Variants in EBF1 observed in about 807,000 individuals in gnomAD.
EBF1 encodes the protein transcription factor COE1.
In EBF1, 10 loss-of-function variants were observed where a neutral mutation model predicts 68.4. That is an observed-to-expected ratio of 0.15 (90% CI 0.09 to 0.25). The LOEUF is 0.25. Ranked by LOEUF, EBF1 falls within the 10% of genes least tolerant of loss-of-function variation. EBF1 has a pLI of 1.00. For synonymous variants in EBF1, 298 were observed against 299.8 expected, an observed-to-expected ratio of 0.99 and a Z score of 0.06; for missense variants, 509 against 794.4, an observed-to-expected ratio of 0.64 and a Z score of 4.32.
intron 15 of EBF1, among the ~76,000 whole-genome samples, chr5:158,706,801 C>A (rs1353782490): frequency 6.6e-6 from 1 of 152,100 alleles, no homozygotes. Flanking sequence ...AGGTATTTAC[C>A]CTCTTTAAGC....
intron 7 of EBF1, among the ~76,000 whole-genome samples, chr5:158,825,283 ACTTTT>A (rs1785818810): frequency 6.6e-6 from 1 of 152,230 alleles, no homozygotes; most frequent in Admixed American, 6.5e-5. Flanking sequence ...ACAGAAATTC[ACTTTT>A]CTTTTTAGAG....
chr5:159,067,967 A>G (rs1346560944), intron 6 of EBF1, among the ~76,000 whole-genome samples: 3 of 152,296 alleles, frequency 2.0e-5, no homozygotes, highest in Admixed American at 2.0e-4. Context: ...GTTACAAATC[A>G]GGTGGTATAA....
intron 6 of EBF1, among the ~76,000 whole-genome samples, chr5:158,931,880 A>G (rs1810964602): frequency 6.6e-6 from 1 of 152,244 alleles, no homozygotes; most frequent in South Asian, 2.1e-4. Context: ...GAAGAACCAG[A>G]TGCCTTTACC....
intron 10 of EBF1, among the ~76,000 whole-genome samples, chr5:158,739,458 T>G (rs1765850685): frequency 6.6e-6 from 1 of 152,196 alleles, no homozygotes; most frequent in South Asian, 2.1e-4. Context: ...AAAACTAAAA[T>G]AAAATCCCTT....
intron 6 of EBF1, among the ~76,000 whole-genome samples, chr5:158,933,835 CCAAAA>C (rs1333940766): frequency 1.3e-5 from 2 of 152,188 alleles, no homozygotes; most frequent in African/African-American, 4.8e-5. Context: ...TGCTCACACC[CCAAAA>C]CAAAAGAACC....
At chr5:158,960,960 A>C (rs780435988) in intron 6 of EBF1, among the ~76,000 whole-genome samples, 3 of 152,254 alleles carry the variant, frequency 2.0e-5, no homozygotes, top group Non-Finnish European at 4.4e-5. Flanking sequence ...CTTGTGAGAC[A>C]ATAAATGTTT....
At chr5:159,077,586 T>A (rs375560443) in intron 5 of EBF1, among the ~76,000 whole-genome samples, 1 of 152,110 alleles carries the variant, frequency 6.6e-6, no homozygotes, top group South Asian at 2.1e-4. Flanking sequence ...AAGACAGTCA[T>A]AGACCCCAGC....
chr5:159,073,799 A>T, intron 5 of EBF1: 1 of 248,256 alleles, frequency 4.0e-6, no homozygotes, highest in Non-Finnish European at 7.8e-6. Context: ...CCCAATGAGA[A>T]TATTCAAGGT....
In EBF1 at chr5:159,097,114, G is replaced by A. The variant is rs1156409738; in HGVS notation, c.151C>T (p.Arg51Trp). ...TAAQSGVGLA[R>W]AHFEKQPPSN... ...GGCGGCTGCTTCTCAAAGTGAGCCC[G>A]GGCCAGACCCACCCCGCTGCGGCCA... The change falls in exon 2 of 16, where the codon CGG (arginine) becomes TGG (tryptophan). Residue 51 changes from arginine (R) to tryptophan (W), a missense_variant. Physicochemically the swap from Arg to Trp is moderately radical, Grantham distance 101 (BLOSUM62 -3). Transcript: ENST00000313708. 1 of 1,613,842 alleles carries A rather than the reference G, an allele frequency of 6.2e-7. No individual in the cohort carries two copies.
At chr5:158,816,798 A>G (rs1395521575) in intron 8 of EBF1, among the ~76,000 whole-genome samples, 1 of 152,226 alleles carries the variant, frequency 6.6e-6, no homozygotes, top group Non-Finnish European at 1.5e-5. Context: ...CATCTGAAAA[A>G]AAAAGAGGAG....
intron 8 of EBF1, among the ~76,000 whole-genome samples, chr5:158,804,119 C>A (rs1239072357): frequency 6.6e-6 from 1 of 150,748 alleles, no homozygotes; most frequent in Non-Finnish European, 1.5e-5. Context: ...AAAGTGACTT[C>A]ATTTGGCAAG....
chr5:158,811,290 G>C (rs1181434550), intron 8 of EBF1, among the ~76,000 whole-genome samples: 1 of 152,116 alleles, frequency 6.6e-6, no homozygotes, highest in African/African-American at 2.4e-5. Flanking sequence ...ATTTGCCTTT[G>C]AGTAATGTCG....
chr5:158,801,319 T>C (rs1391851593), intron 8 of EBF1, among the ~76,000 whole-genome samples: 1 of 152,110 alleles, frequency 6.6e-6, no homozygotes, highest in East Asian at 1.9e-4. Flanking sequence ...TTCTGAAGAT[T>C]ATGTGTGTGC....
chr5:158,849,614 G>A (rs1296025106), intron 6 of EBF1, among the ~76,000 whole-genome samples: 1 of 152,240 alleles, frequency 6.6e-6, no homozygotes, highest in African/African-American at 2.4e-5. Flanking sequence ...ACTTCTGATA[G>A]TGCCTTTCCA....
intron 6 of EBF1, among the ~76,000 whole-genome samples, chr5:159,026,598 A>G (rs756292051): frequency 4.6e-5 from 7 of 152,160 alleles, no homozygotes; most frequent in Non-Finnish European, 1.0e-4. Flanking sequence ...TTTATTCCCC[A>G]GCACAGAAAA....
intron 13 of EBF1, 146 bp from the exon 14 acceptor site, chr5:158,712,479 G>A (rs1328478292): frequency 2.4e-6 from 2 of 849,924 alleles, no homozygotes; most frequent in African/African-American, 1.7e-5. Flanking sequence ...GCGTGGGTTG[G>A]TGGTGCTAGC....
At chr5:158,883,396 ATGTG>A (rs1206574312) in intron 6 of EBF1, among the ~76,000 whole-genome samples, 2 of 146,024 alleles carry the variant, frequency 1.4e-5, no homozygotes, top group African/African-American at 5.1e-5. Context: ...ACATACATAC[ATGTG>A]TGTATATATA....
intron 6 of EBF1, among the ~76,000 whole-genome samples, chr5:158,840,655 T>TG (rs1562086225): frequency 3.5e-4 from 33 of 93,350 alleles, no homozygotes; most frequent in African/African-American, 1.2e-3. Flanking sequence ...GTTTTTTTTT[T>TG]TTTTTTTTTT....
At position 158,708,154 on chromosome 5, in the gene EBF1, G is replaced by T; in HGVS notation, c.1569C>A (p.Thr523=). The change falls in exon 15 of 16, where the codon ACC becomes ACA. Residue 523 remains threonine (T), a synonymous_variant. Transcript: ENST00000313708. ...SPYAIVPSSP[T]MASSTSLPSN... Reference sequence around the variant, plus strand: ...AGGGGAGGCTTGTGGAGGAGGCCATGGTGGGGCTGGATGGCACTACTGAGA... The same window carrying T: ...AGGGGAGGCTTGTGGAGGAGGCCATTGTGGGGCTGGATGGCACTACTGAGA... 6.3e-7 allele frequency: 1 copy of T among 1,583,408 alleles called. No homozygotes were observed. The highest frequency in any genetic ancestry group is 8.6e-7 in the Non-Finnish European group (1 of 1,164,204).
Sources: gnomAD v4.1 joint callset for allele counts (sites outside exome capture counted in the v4.1 genomes callset) on GRCh38, gnomAD v4.1.1 for gene constraint, MANE v1.5 for transcripts, NCBI Gene and HGNC (gene_info 2026-07-23, HGNC 2026-07-21) for gene names.